CUX1: variants seen among roughly 807,000 people sequenced by gnomAD.
CUX1 encodes cut like homeobox 1, also known as protein CASP.
In CUX1, 31 loss-of-function variants were observed where a neutral mutation model predicts 158.8. That is an observed-to-expected ratio of 0.20 (90% confidence interval 0.15 to 0.26). The LOEUF (loss-of-function observed/expected upper bound fraction) is 0.26, where lower values mean the gene tolerates loss of function less well. Among genes scored for constraint, CUX1 ranks in the 10% least tolerant of loss-of-function variants. CUX1 has a pLI of 1.00. For synonymous variants in CUX1, 879 were observed against 862.1 expected (o/e 1.02, Z -0.34); for missense variants, 1,589 against 2,014.6 (o/e 0.79, Z 4.04).
At chr7:102,068,154 C>T (rs1267210335) in intron 3 of CUX1, among the ~76,000 whole-genome samples, 1 of 151,826 alleles carries the variant, frequency 6.6e-6, no homozygotes, top group Non-Finnish European at 1.5e-5. Context: ...TGCAGTTGTA[C>T]GAACACAGCT....
chr7:102,113,607 G>A (rs986626304), intron 7 of CUX1, among the ~76,000 whole-genome samples: 3 of 151,580 alleles, frequency 2.0e-5, no homozygotes, highest in Non-Finnish European at 4.4e-5. Context: ...GCTCAGGTTG[G>A]AGAGCAGTGA....
At chr7:102,103,953 G>A (rs956110190) in intron 5 of CUX1, among the ~76,000 whole-genome samples, 3 of 151,962 alleles carry the variant, frequency 2.0e-5, no homozygotes, top group African/African-American at 7.2e-5. Context: ...TTCTGAGAAA[G>A]TACTTAAACC....
At chr7:102,173,690 T>C (rs1245981742) in intron 10 of CUX1, among the ~76,000 whole-genome samples, 3 of 152,208 alleles carry the variant, frequency 2.0e-5, no homozygotes, top group Admixed American at 6.5e-5. Context: ...ATTCTGGCAC[T>C]ATCCTGGACT....
At chr7:102,232,290 G>C (rs1799088504) in intron 21 of CUX1, among the ~76,000 whole-genome samples, 1 of 152,046 alleles carries the variant, frequency 6.6e-6, no homozygotes, top group Non-Finnish European at 1.5e-5. Flanking sequence ...AGTCCAGCCT[G>C]GGCAATATAG....
At chr7:102,054,028 G>T (rs1238408713) in intron 3 of CUX1, among the ~76,000 whole-genome samples, 2 of 152,020 alleles carry the variant, frequency 1.3e-5, no homozygotes, top group Non-Finnish European at 2.9e-5. Flanking sequence ...GGCTGGTCCC[G>T]AACTCCTGAC....
chr7:101,988,778 A>G (rs1238053307), intron 2 of CUX1, among the ~76,000 whole-genome samples: 1 of 152,024 alleles, frequency 6.6e-6, no homozygotes, highest in Non-Finnish European at 1.5e-5. Flanking sequence ...AGACAGGAGG[A>G]TTGCTTGAGG....
At chr7:102,278,856 A>T (rs1214325249) in intron 18 of CUX1, among the ~76,000 whole-genome samples, 1 of 151,580 alleles carries the variant, frequency 6.6e-6, no homozygotes, top group Non-Finnish European at 1.5e-5. Flanking sequence ...CCTGGCCGAC[A>T]TAGTGAAACC....
chr7:102,255,887 T>C lies in CUX1; in HGVS notation c.*6845T>C. On this transcript the variant is annotated 3_prime_UTR_variant, in exon 24 of 24. Coordinates refer to ENST00000292535, the MANE Select transcript of CUX1 (RefSeq NM_181552.4). ...AACGGAAAGCACTTAAATAGATGAC[T>C]ATGTGTAAAAGCTCTGTGCAATTGA... 1 of 984,768 alleles carries C rather than the reference T, an allele frequency of 1.0e-6. No homozygotes were observed. The highest frequency in any genetic ancestry group is 1.2e-6 in the Non-Finnish European group (1 of 829,544). 61.0% of individuals were successfully genotyped at this position (984,768 alleles called of 1,614,324 possible). A position where few individuals can be genotyped will look rare whatever the true frequency, so the allele number is the denominator to read the frequency against.
rs10655613 is a variant in CUX1, at chr7:102,034,145, CAAAAAAAAA to C, written c.189+6014_189+6022del. Among the ~76,000 whole-genome samples, 65 of 48,614 alleles carry C rather than the reference CAAAAAAAAA, an allele frequency of 1.3e-3. 3 individuals are homozygous for C. The South Asian group carries it at 0.06, about 45-fold the overall frequency. The allele number at this position is 48,614 out of a possible 152,430, so 31.9% of individuals were successfully genotyped here. On this transcript the variant is annotated intron_variant, in intron 3 of 23. Coordinates refer to ENST00000292535, the MANE Select transcript of CUX1 (RefSeq NM_181552.4). The stretch of plus-strand genomic sequence containing the variant: ...CAGGTGACAGAGCGAGACTCCATCT[CAAAAAAAAA>C]AAAAAAAAAAAAAGTCAGTCTTATT...
At chr7:102,159,504 C>A (rs142872687) in intron 9 of CUX1, among the ~76,000 whole-genome samples, 1 of 152,204 alleles carries the variant, frequency 6.6e-6, no homozygotes, top group Non-Finnish European at 1.5e-5. Context: ...CTTCCTCCCC[C>A]CAGGAGCCCA....
chr7:102,186,870 T>C (rs1250282137), intron 11 of CUX1: 3 of 151,542 alleles, frequency 2.0e-5, no homozygotes, highest in East Asian at 2.0e-4. Flanking sequence ...TCATCTCTAC[T>C]AAAAATAGAA....
At chr7:101,972,041 A>G (rs1812020042) in intron 2 of CUX1, among the ~76,000 whole-genome samples, 1 of 152,156 alleles carries the variant, frequency 6.6e-6, no homozygotes, top group African/African-American at 2.4e-5. Flanking sequence ...ATCTTGGCTC[A>G]CTGCAAGCTC....
intron 23 of CUX1, among the ~76,000 whole-genome samples, chr7:102,246,574 G>GTT (rs67892587): frequency 6.6e-4 from 98 of 148,894 alleles, no homozygotes; most frequent in East Asian, 5.6e-3. Flanking sequence ...GAAAACCTTT[G>GTT]TTTTTTTTTT....
intron 1 of CUX1, among the ~76,000 whole-genome samples, chr7:101,890,342 G>C (rs1309203060): frequency 6.6e-6 from 1 of 152,096 alleles, no homozygotes; most frequent in East Asian, 1.9e-4. Context: ...TAGGTCCAGA[G>C]GTGCTAAAAT....
intron 3 of CUX1, among the ~76,000 whole-genome samples, chr7:102,069,371 T>C (rs934016427): frequency 2.8e-4 from 42 of 152,264 alleles, no homozygotes; most frequent in African/African-American, 9.4e-4. Context: ...CTATGCCCCA[T>C]GGTGTGTTGT....
At chr7:102,099,130 A>C (rs550303746) in intron 5 of CUX1, among the ~76,000 whole-genome samples, 10 of 151,938 alleles carry the variant, frequency 6.6e-5, no homozygotes, top group Admixed American at 1.3e-4. Context: ...CTCCGAGCAC[A>C]CCTCCCTGTA....
intron 2 of CUX1, among the ~76,000 whole-genome samples, chr7:101,974,273 C>T (rs1812376554): frequency 1.3e-5 from 2 of 151,986 alleles, no homozygotes; most frequent in East Asian, 3.9e-4. Flanking sequence ...GCCACAGAGC[C>T]GAAAATGTCC....
rs782242790 is a variant in CUX1 at position 102,197,328 on chromosome 7, C to T, written c.1894+23C>T. 29 of 1,602,564 alleles carry T rather than the reference C, an allele frequency of 1.8e-5. 1 individual carries two copies. The highest frequency in any genetic ancestry group is 1.4e-4 in the South Asian group (13 of 90,344). On this transcript the variant is annotated intron_variant, in intron 15 of 23. Coordinates refer to ENST00000292535, the MANE Select transcript of CUX1 (RefSeq NM_181552.4). ...GAGGTGAGAGACTGGCGTTGGGTGG[C>T]GCCAGCGTGCGAGCCCGTCACAGAG... is the stretch of plus-strand genomic sequence containing the variant.
intron 2 of CUX1, among the ~76,000 whole-genome samples, chr7:101,985,225 C>G (rs1212656148): frequency 2.6e-5 from 4 of 152,150 alleles, no homozygotes; most frequent in Non-Finnish European, 4.4e-5. Context: ...ATAGTCTTGG[C>G]TTTCAGATAC....
Sources: gnomAD v4.1 joint callset for allele counts (sites outside exome capture counted in the v4.1 genomes callset) on GRCh38, gnomAD v4.1.1 for gene constraint, MANE v1.5 for transcripts, NCBI Gene and HGNC (gene_info 2026-07-23, HGNC 2026-07-21) for gene names.